The following COL5A1 variants were observed in gnomAD, a reference collection of about 807,000 sequenced individuals.
The protein encoded by COL5A1 is collagen alpha-1(V) chain.
In COL5A1, 16 loss-of-function variants were observed where a neutral mutation model predicts 263.7. The observed-to-expected ratio is 0.06, with a 90% CI of 0.04 to 0.09. The LOEUF is 0.09. COL5A1 is among the 10% of genes least tolerant of loss of function. The probability of loss-of-function intolerance (pLI) is 1.00; values close to 1 mark genes in which losing one functional copy is unlikely to be tolerated. For missense variants in COL5A1, 2,036 were observed against 2,540.5 expected (o/e 0.80, Z 4.27); for synonymous variants, 1,012 against 1,004.5 (o/e 1.01, Z -0.14).
intron 9 of COL5A1, 143 bp from the exon 10 acceptor site, chr9:134,738,331 G>A: frequency 1.2e-6 from 1 of 858,870 alleles, no homozygotes; most frequent in South Asian, 1.6e-5. Flanking sequence ...CCCCTTTGCA[G>A]TCTGTGCTCG....
chr9:134,713,010 C>T (rs569924410), intron 4 of COL5A1, among the ~76,000 whole-genome samples: 23 of 152,360 alleles, frequency 1.5e-4, no homozygotes, highest in African/African-American at 5.3e-4. Context: ...GGCGTGATTC[C>T]CGCTGTGCTC....
At chr9:134,809,344 G>C (rs1013963623) in intron 43 of COL5A1, 54 bp downstream of exon 43, 9 of 1,364,468 alleles carry the variant, frequency 6.6e-6, no homozygotes, top group South Asian at 4.9e-5. Context: ...AGACGGGTGT[G>C]GGGGAGGGTG....
At chr9:134,760,651 GCA>G (rs141467023) in intron 18 of COL5A1, among the ~76,000 whole-genome samples, 6,483 of 57,274 alleles carry the variant, frequency 0.11, 321 homozygotes, top group Middle Eastern at 0.17. Context: ...ATACACTCAT[GCA>G]CACACACACA....
At position 134,741,657 on chromosome 9, in the gene COL5A1, G is replaced by A. The variant is rs968981949; in HGVS notation, c.1494+2849G>A. Among the ~76,000 whole-genome samples the A allele has an allele frequency of 6.6e-6, 1 of 152,152 alleles. No individual in the cohort carries two copies. The highest frequency in any genetic ancestry group is 1.9e-4 in the East Asian group (1 of 5,188). On this transcript the variant is annotated intron_variant, in intron 11 of 65. Transcript: ENST00000371817. This position sits in a 1 kb window ranked among gnomAD's most constrained non-coding sequence, Gnocchi z 4.5. ...TAATGCCCTGCTTTTAGGCAGAAGAGGGGAGGTAAGAGAACTCTTCTTGCG... is the reference window on the plus strand; with the variant it reads ...TAATGCCCTGCTTTTAGGCAGAAGAAGGGAGGTAAGAGAACTCTTCTTGCG...
rs79992731 is a variant in COL5A1, at chr9:134,830,655, C to T, written c.5136+611C>T. The stretch of plus-strand genomic sequence containing the variant: ...GGCTGAGGGCTGTCTCTCTGCCCAC[C>T]GGGCTGCAGATTCCCAGTTACACTG... On this transcript the variant is annotated intron_variant, in intron 64 of 65. Coordinates refer to ENST00000371817, the MANE Select transcript of COL5A1 (RefSeq NM_000093.5). Among the ~76,000 whole-genome samples the T allele has an allele frequency of 1.7e-3, 253 of 152,372 alleles. 1 individual carries two copies. The highest frequency in any genetic ancestry group is 2.5e-3 in the South Asian group (12 of 4,834).
chr9:134,655,808 G>A (rs1831952256), intron 1 of COL5A1, among the ~76,000 whole-genome samples: 1 of 152,168 alleles, frequency 6.6e-6, no homozygotes, highest in East Asian at 1.9e-4. Context: ...GTGCCCACCA[G>A]GCTGTCCTAT....
chr9:134,793,323 T>C (rs1207773920), intron 32 of COL5A1, among the ~76,000 whole-genome samples: 1 of 151,834 alleles, frequency 6.6e-6, no homozygotes, highest in East Asian at 1.9e-4. Flanking sequence ...CACTCCTTCC[T>C]AAGGGCAAGA....
intron 31 of COL5A1, 50 bp downstream of exon 31, chr9:134,786,098 G>T: frequency 5.3e-6 from 8 of 1,516,106 alleles, no homozygotes; most frequent in Non-Finnish European, 7.2e-6. Flanking sequence ...GGGATGTTCT[G>T]CCCGGTCTCC....
Position 134,841,218 on chromosome 9 carries a change from A to C in COL5A1, c.5371-939A>C, listed in dbSNP as rs1389941791. On this transcript the variant is annotated intron_variant, in intron 65 of 65. Coordinates refer to ENST00000371817, the MANE Select transcript of COL5A1 (RefSeq NM_000093.5). This position sits in a 1 kb window ranked among gnomAD's most constrained non-coding sequence, Gnocchi z 4.8. ...GTCTGGGTCTGAGGTAGCAAAAGCC[A>C]TCTGCCCAGGATGCGTTTGCAGGCT... 2.6e-5 allele frequency among the ~76,000 whole-genome samples: 4 copies of C among 152,214 alleles called. No individual in the cohort carries two copies. The highest frequency in any genetic ancestry group is 5.9e-5 in the Non-Finnish European group (4 of 68,028).
At chr9:134,827,435 A>C (rs1200136672) in intron 63 of COL5A1, among the ~76,000 whole-genome samples, 15 of 152,170 alleles carry the variant, frequency 9.9e-5, no homozygotes, top group Non-Finnish European at 1.5e-5. Flanking sequence ...GAGAATCCAA[A>C]CACGGGGGCC....
chr9:134,839,894 C>T (rs1326035613), intron 65 of COL5A1, among the ~76,000 whole-genome samples: 1 of 152,248 alleles, frequency 6.6e-6, no homozygotes, highest in African/African-American at 2.4e-5. Context: ...GAGCTGTGGC[C>T]ACCCCCAGGC....
chr9:134,780,153 C>T lies in COL5A1; in HGVS notation c.2430+7C>T, dbSNP rs569413440. The T allele has an allele frequency of 6.2e-7, 1 of 1,613,284 alleles. No individual in the cohort carries two copies. The highest frequency in any genetic ancestry group is 8.5e-7 in the Non-Finnish European group (1 of 1,180,016). On this transcript the variant is annotated splice_region_variant and intron_variant, in intron 28 of 65. Transcript: ENST00000371817. ...GGGCACAAAGGGCGAGAAGGTAAGT[C>T]TCTCCTTGCAGCCACGGGGCCCCCT...
At chr9:134,665,842 CT>C (rs937114785) in intron 1 of COL5A1, among the ~76,000 whole-genome samples, 1 of 152,240 alleles carries the variant, frequency 6.6e-6, no homozygotes, top group African/African-American at 2.4e-5. Flanking sequence ...AATCCCAGCA[CT>C]TTGGGAGGCC....
At chr9:134,807,086 C>T (rs1156296578) in intron 42 of COL5A1, among the ~76,000 whole-genome samples, 4 of 152,212 alleles carry the variant, frequency 2.6e-5, no homozygotes, top group African/African-American at 9.6e-5. Flanking sequence ...AAGTGGTCCA[C>T]CCTGACCCGT....
rs899569847 is a variant in COL5A1, at chr9:134,716,510, A to G, written c.655-10756A>G. Among the ~76,000 whole-genome samples, 9 of 152,222 alleles carry G rather than the reference A, an allele frequency of 5.9e-5. No homozygotes were observed. The highest frequency in any genetic ancestry group is 2.1e-4 in the South Asian group (1 of 4,832). On this transcript the variant is annotated intron_variant, in intron 4 of 65. Transcript: ENST00000371817. The surrounding 1 kb of genome is among the most constrained non-coding windows in gnomAD (Gnocchi z 4.5). ...CGTGCACTGCCCAAGCCACAAGTGC[A>G]GGCCTTTGTGAGGTCACCACCCTTT...
intron 36 of COL5A1, among the ~76,000 whole-genome samples, chr9:134,797,423 C>G (rs1837951952): frequency 6.6e-6 from 1 of 152,218 alleles, no homozygotes; most frequent in Non-Finnish European, 1.5e-5. Context: ...CACACTCACC[C>G]TGGCCACTGC....
intron 20 of COL5A1, 102 bp downstream of exon 20, chr9:134,763,839 A>G: frequency 8.3e-7 from 1 of 1,198,814 alleles, no homozygotes; most frequent in East Asian, 2.4e-5. Flanking sequence ...AGGAGCTTAG[A>G]AGAGAGAGAG....
At position 134,825,744 on chromosome 9, in the gene COL5A1, G is replaced by A. The variant is rs60879388; in HGVS notation, c.4955-48G>A. 1.1e-3 allele frequency: 1,335 copies of A among 1,260,514 alleles called. 11 individuals carry two copies. The African/African-American group carries it at 0.016, about 15-fold the overall frequency. 78.1% of individuals were successfully genotyped at this position (1,260,514 alleles called of 1,614,324 possible). On this transcript the variant is annotated intron_variant, in intron 62 of 65. Coordinates refer to ENST00000371817, the MANE Select transcript of COL5A1 (RefSeq NM_000093.5). ...AGCGGCTTCCGGAACCATCCAGGGAGCAATCCTTCTGACTCTGCCTGCCTC... is the reference window on the plus strand; with the variant it reads ...AGCGGCTTCCGGAACCATCCAGGGAACAATCCTTCTGACTCTGCCTGCCTC...
rs770356535 is a variant in COL5A1, at chr9:134,789,181, T to C, written c.2673T>C (p.Pro891=). 2 of 1,613,150 alleles carry C rather than the reference T, an allele frequency of 1.2e-6. No individual in the cohort carries two copies. Among genetic ancestry groups the C allele is most frequent in the South Asian group, 2.2e-5 (2 of 91,044 alleles). The change falls in exon 32 of 66, where the codon CCT becomes CCC. Residue 891 remains proline (P), a synonymous_variant. Coordinates refer to ENST00000371817, the MANE Select transcript of COL5A1 (RefSeq NM_000093.5). This position sits in a 1 kb window ranked among gnomAD's most constrained non-coding sequence, Gnocchi z 4.8. ...GCTCTATTGGATTCCCTGGATTTCC[T>C]GGCGCCAATGGAGAGAAGGGCGGCA... ...PKGSIGFPGF[P]GANGEKGGRG...
Sources: gnomAD v4.1 joint callset for allele counts (sites outside exome capture counted in the v4.1 genomes callset) on GRCh38, gnomAD v4.1.1 for gene constraint, Gnocchi (gnomAD v3.1) non-coding constraint, MANE v1.5 for transcripts, NCBI Gene and HGNC (gene_info 2026-07-23, HGNC 2026-07-21) for gene names.